Variants in ZNF33B observed in about 807,000 individuals in gnomAD.
The protein encoded by ZNF33B is zinc finger protein 11b (KOX 2).
In ZNF33B, 29 loss-of-function variants were observed where a neutral mutation model predicts 45.8. That is an observed-to-expected ratio of 0.63 (90% CI 0.47 to 0.86). The LOEUF (loss-of-function observed/expected upper bound fraction) is 0.86, where lower values mean the gene tolerates loss of function less well. Ranked by LOEUF, ZNF33B falls within the 40% of genes least tolerant of loss-of-function variation. ZNF33B has a pLI of 0.00. For missense variants in ZNF33B, 831 were observed against 909.9 expected (o/e 0.91, Z 1.12); for synonymous variants, 305 against 307.8 (o/e 0.99, Z 0.10).
rs1450519276 is a variant in ZNF33B, at chr10:42,591,081, A to G, written c.*1532T>C. 1.3e-5 allele frequency: 3 copies of G among 237,380 alleles called. No individual in the cohort carries two copies. The Admixed American group carries it at 2.0e-4, about 15-fold the overall frequency. 14.7% of individuals were successfully genotyped at this position (237,380 alleles called of 1,614,324 possible). On this transcript the variant is annotated 3_prime_UTR_variant, in exon 5 of 5. Transcript: ENST00000359467. Reference sequence around the variant, plus strand: ...TGTAGTGTACAATCTTCACACTGTCAATAAAAGCCCCATGCCAGCTTGATT... The same window carrying G: ...TGTAGTGTACAATCTTCACACTGTCGATAAAAGCCCCATGCCAGCTTGATT...
intron 4 of ZNF33B, among the ~76,000 whole-genome samples, chr10:42,607,452 C>T (rs1157277634): frequency 6.6e-6 from 1 of 151,938 alleles, no homozygotes; most frequent in Non-Finnish European, 1.5e-5. Context: ...ATGCTGATGG[C>T]CACACTAAAA....
intron 4 of ZNF33B, among the ~76,000 whole-genome samples, chr10:42,617,090 CTCTT>C (rs1423433089): frequency 2.0e-4 from 17 of 85,686 alleles, no homozygotes; most frequent in Non-Finnish European, 3.2e-4. Flanking sequence ...TTCATTTTTT[CTCTT>C]TTTTTTTTTT....
At chr10:42,576,091 A>G (rs1241644392) in intron 1 of ZNF33B, among the ~76,000 whole-genome samples, 1 of 151,952 alleles carries the variant, frequency 6.6e-6, no homozygotes, top group Non-Finnish European at 1.5e-5. Flanking sequence ...GGGTTTCACC[A>G]TGTTGGCCAG....
intron 1 of ZNF33B, among the ~76,000 whole-genome samples, chr10:42,580,894 T>A (rs561746075): frequency 1.3e-5 from 2 of 150,578 alleles, no homozygotes; most frequent in African/African-American, 2.4e-5. Flanking sequence ...ACTGTCTCAA[T>A]AAATAAATAA....
At chr10:42,630,897 A>G (rs1839018782) in intron 4 of ZNF33B, among the ~76,000 whole-genome samples, 1 of 152,010 alleles carries the variant, frequency 6.6e-6, no homozygotes, top group South Asian at 2.1e-4. Context: ...CCTTCCTCCA[A>G]TCAAGCCCTC....
chr10:42,575,918 G>A (rs1442101650), intron 1 of ZNF33B, among the ~76,000 whole-genome samples: 1 of 146,192 alleles, frequency 6.8e-6, no homozygotes, highest in Non-Finnish European at 1.5e-5. Context: ...TTGAGATGAA[G>A]TCTCGCTCTT....
At chr10:42,618,699 T>C (rs1174839856) in intron 4 of ZNF33B, among the ~76,000 whole-genome samples, 13 of 152,212 alleles carry the variant, frequency 8.5e-5, no homozygotes. Flanking sequence ...ATGAGTTTGC[T>C]GAGCTTCTTG....
At chr10:42,615,137 G>A (rs1220744424) in intron 4 of ZNF33B, among the ~76,000 whole-genome samples, 2 of 152,160 alleles carry the variant, frequency 1.3e-5, no homozygotes, top group Non-Finnish European at 2.9e-5. Context: ...GTAAAGTACT[G>A]TGGCTACTAT....
intron 4 of ZNF33B, among the ~76,000 whole-genome samples, chr10:42,599,884 T>C (rs2132058842): frequency 6.6e-6 from 1 of 152,258 alleles, no homozygotes; most frequent in Non-Finnish European, 1.5e-5. Context: ...AATTCCATTT[T>C]CATTAACCCA....
intron 3 of ZNF33B, 118 bp from the exon 4 acceptor site, chr10:42,632,142 G>A: frequency 5.5e-6 from 8 of 1,463,068 alleles, no homozygotes; most frequent in Non-Finnish European, 6.6e-6. Context: ...CACTGGAGAG[G>A]TGAACACAAG....
chr10:42,629,855 G>T (rs769333816), intron 4 of ZNF33B, among the ~76,000 whole-genome samples: 3 of 151,954 alleles, frequency 2.0e-5, no homozygotes, highest in African/African-American at 7.3e-5. Context: ...GTTGTTCTAG[G>T]TATTAAAATG....
At position 42,592,732 on chromosome 10, in the gene ZNF33B, G is replaced by C; in HGVS notation, c.2218C>G (p.Gln740Glu). ...FYRKSDLAKH[Q>E]RSHTGEKPYE... ...GGCTTTTCCCCTGTATGTGATCTCTGATGTTTAGCAAGGTCTGATTTACGG... is the reference window on the plus strand; with the variant it reads ...GGCTTTTCCCCTGTATGTGATCTCTCATGTTTAGCAAGGTCTGATTTACGG... Residue 740 changes from glutamine (Q) to glutamate (E), a missense_variant, in exon 5 of 5, where the codon CAG becomes GAG. Transcript: ENST00000359467. 8 of 1,613,964 alleles carry C rather than the reference G, an allele frequency of 5.0e-6. No homozygotes were observed. Among genetic ancestry groups the C allele is most frequent in the Non-Finnish European group, 6.8e-6 (8 of 1,179,972 alleles).
intron 4 of ZNF33B, among the ~76,000 whole-genome samples, chr10:42,598,305 A>G (rs1351620519): frequency 6.6e-6 from 1 of 152,280 alleles, no homozygotes; most frequent in African/African-American, 2.4e-5. Flanking sequence ...AGAATGGCAG[A>G]GGGACAGACT....
intron 4 of ZNF33B, among the ~76,000 whole-genome samples, chr10:42,621,966 G>A (rs538219569): frequency 6.6e-6 from 1 of 152,296 alleles, no homozygotes; most frequent in South Asian, 2.1e-4. Context: ...AGATACTATA[G>A]CTAATGAATG....
intron 4 of ZNF33B, among the ~76,000 whole-genome samples, chr10:42,608,581 G>GA (rs1054595256): frequency 6.6e-6 from 1 of 151,856 alleles, no homozygotes; most frequent in African/African-American, 2.4e-5. Context: ...AGGCAAATTA[G>GA]AAAAAATGCT....
intron 4 of ZNF33B, among the ~76,000 whole-genome samples, chr10:42,621,108 T>C (rs1838560324): frequency 2.0e-5 from 3 of 148,670 alleles, no homozygotes. Flanking sequence ...GATCACTTGA[T>C]GCCAGGAGTC....
Position 42,592,567 on chromosome 10 carries a change from G to C in ZNF33B, c.*46C>G. 1 of 1,582,186 alleles carries C rather than the reference G, an allele frequency of 6.3e-7. No individual in the cohort carries two copies. Among genetic ancestry groups the C allele is most frequent in the Non-Finnish European group, 8.6e-7 (1 of 1,164,410 alleles). Reference sequence around the variant, plus strand: ...CTTCTCCACAGTGTGAAGACTCTGAGGCATTATGGAGGCTGACTTGTGGCT... The same window carrying C: ...CTTCTCCACAGTGTGAAGACTCTGACGCATTATGGAGGCTGACTTGTGGCT... On this transcript the variant is annotated 3_prime_UTR_variant, in exon 5 of 5. Transcript: ENST00000359467.
rs549754395 is a variant in ZNF33B, at chr10:42,590,157, T to A, written c.*2456A>T. ...TGCTAACATTTTAAGGATTTCTGCATCTGTGTTCACTGGAAATATTGATCT... is the reference window on the plus strand; with the variant it reads ...TGCTAACATTTTAAGGATTTCTGCAACTGTGTTCACTGGAAATATTGATCT... On this transcript the variant is annotated 3_prime_UTR_variant, in exon 5 of 5. Coordinates refer to ENST00000359467, the MANE Select transcript of ZNF33B (RefSeq NM_006955.3). 64 of 152,362 alleles carry A rather than the reference T, an allele frequency of 4.2e-4. No homozygotes were observed. Among genetic ancestry groups the A allele is most frequent in the African/African-American group, 1.5e-3 (62 of 41,600 alleles). The allele number at this position is 152,362 out of a possible 1,614,324, so 9.4% of individuals were successfully genotyped here. A position where few individuals can be genotyped will look rare whatever the true frequency, so the allele number is the denominator to read the frequency against.
intron 4 of ZNF33B, among the ~76,000 whole-genome samples, chr10:42,612,186 T>G (rs1838126327): frequency 6.6e-6 from 1 of 151,622 alleles, no homozygotes; most frequent in African/African-American, 2.4e-5. Flanking sequence ...ATTGACATGA[T>G]ACAGTTTTCT....
Sources: gnomAD v4.1 joint callset for allele counts (sites outside exome capture counted in the v4.1 genomes callset) on GRCh38, gnomAD v4.1.1 for gene constraint, MANE v1.5 for transcripts, NCBI Gene and HGNC (gene_info 2026-07-23, HGNC 2026-07-21) for gene names.